Variants in AFF1 observed in about 807,000 individuals in gnomAD.
AFF1 encodes the protein AF4/FMR2 family member 1.
AFF1 carries 48 observed loss-of-function variants against 121.7 expected under a neutral mutation model. That is an observed-to-expected ratio of 0.39 (90% CI 0.31 to 0.50). The LOEUF (loss-of-function observed/expected upper bound fraction) is 0.50. Among genes scored for constraint, AFF1 ranks in the 20% least tolerant of loss-of-function variants. The pLI is 0.76. For synonymous variants in AFF1, 613 were observed against 563.0 expected, an observed-to-expected ratio of 1.09 and a Z score of -1.26; for missense variants, 1,523 against 1,511.7, an observed-to-expected ratio of 1.01 and a Z score of -0.12.
chr4:87,073,066 TAAA>T (rs539470714), intron 4 of AFF1, among the ~76,000 whole-genome samples: 2 of 137,912 alleles, frequency 1.5e-5, no homozygotes, highest in Non-Finnish European at 1.6e-5. Flanking sequence ...TAGTAAGCCT[TAAA>T]AAAAAAAAAA....
intron 2 of AFF1, among the ~76,000 whole-genome samples, chr4:86,994,578 T>C (rs1724969551): frequency 6.6e-6 from 1 of 152,188 alleles, no homozygotes; most frequent in Non-Finnish European, 1.5e-5. Flanking sequence ...TTTGGCTGCA[T>C]TGGTTTTGGC....
chr4:87,017,591 G>A (rs168161), intron 2 of AFF1, among the ~76,000 whole-genome samples: 142,836 of 152,354 alleles, frequency 0.94, 67,286 homozygotes, highest in Non-Finnish European at 0.98. Flanking sequence ...TATTTGTTAA[G>A]TAGAAATCCT....
chr4:87,022,543 GAT>G (rs1156817444), intron 2 of AFF1, among the ~76,000 whole-genome samples: 2,223 of 80,058 alleles, frequency 0.028, 51 homozygotes, highest in East Asian at 0.11. Context: ...CGTGCTTACA[GAT>G]ATATATATAT....
intron 2 of AFF1, chr4:87,007,103 G>T: frequency 2.4e-6 from 3 of 1,257,608 alleles, no homozygotes; most frequent in Non-Finnish European, 3.0e-6. Flanking sequence ...CAGAAACTGC[G>T]CCGGGGGCGC....
chr4:86,990,281 G>GA (rs1724598167), intron 2 of AFF1, among the ~76,000 whole-genome samples: 1 of 150,394 alleles, frequency 6.6e-6, no homozygotes, highest in African/African-American at 2.5e-5. Flanking sequence ...CCAGGAGTTG[G>GA]AGACCAGTCT....
chr4:87,065,209 G>T (rs1428348143), intron 4 of AFF1, among the ~76,000 whole-genome samples: 1 of 152,228 alleles, frequency 6.6e-6, no homozygotes, highest in Non-Finnish European at 1.5e-5. Flanking sequence ...TCATGCGGAA[G>T]GCAAGGAGGA....
At chr4:87,113,081 G>A (rs1726716244) in intron 11 of AFF1, among the ~76,000 whole-genome samples, 2 of 152,148 alleles carry the variant, frequency 1.3e-5, no homozygotes, top group South Asian at 2.1e-4. Flanking sequence ...TCTAACAGCC[G>A]AGCTGGAGAG....
At chr4:87,127,243 C>A in intron 15 of AFF1, 126 bp downstream of exon 15, 2 of 788,332 alleles carry the variant, frequency 2.5e-6, no homozygotes, top group South Asian at 3.2e-5. Context: ...TCACTGCAAC[C>A]TCCACCTCCC....
chr4:86,986,099 A>C (rs1281708313), intron 2 of AFF1, among the ~76,000 whole-genome samples: 1 of 143,086 alleles, frequency 7.0e-6, no homozygotes, highest in African/African-American at 2.6e-5. Flanking sequence ...TGGAGACCGA[A>C]TCTCACTCTG....
chr4:86,992,086 G>A (rs1341534852), intron 2 of AFF1, among the ~76,000 whole-genome samples: 1 of 152,120 alleles, frequency 6.6e-6, no homozygotes, highest in African/African-American at 2.4e-5. Context: ...CTTGTAAAAA[G>A]TCATAGGATT....
At chr4:86,967,972 C>T (rs1722651419) in intron 2 of AFF1, among the ~76,000 whole-genome samples, 1 of 152,146 alleles carries the variant, frequency 6.6e-6, no homozygotes, top group African/African-American at 2.4e-5. Context: ...GGAACTTGAA[C>T]TACGTAGCAA....
At chr4:86,987,420 T>C (rs1362913229) in intron 2 of AFF1, among the ~76,000 whole-genome samples, 1 of 152,134 alleles carries the variant, frequency 6.6e-6, no homozygotes, top group East Asian at 1.9e-4. Context: ...CTGAGCAGGA[T>C]CTGAACATAA....
Position 87,019,905 on chromosome 4 carries a change from A to G in AFF1, c.39-26261A>G, listed in dbSNP as rs181647041. ...GGGTCGGGGGGGGGCAGTCTTGGGG[A>G]CTGAGCCCTCAACCTGTGGGATCTG... On this transcript the variant is annotated intron_variant, in intron 2 of 20. Coordinates refer to ENST00000395146, the MANE Select transcript of AFF1 (RefSeq NM_001166693.3). Among the ~76,000 whole-genome samples, 1,256 of 143,724 alleles carry G rather than the reference A, an allele frequency of 8.7e-3. 24 individuals are homozygous for G. The highest frequency in any genetic ancestry group is 0.031 in the African/African-American group (1,206 of 38,674). The allele number at this position is 143,724 out of a possible 152,430, so 94.3% of individuals were successfully genotyped here. A position where few individuals can be genotyped will look rare whatever the true frequency, so the allele number is the denominator to read the frequency against.
chr4:86,970,867 A>G (rs1041597053), intron 2 of AFF1, among the ~76,000 whole-genome samples: 1 of 152,226 alleles, frequency 6.6e-6, no homozygotes, highest in Non-Finnish European at 1.5e-5. Context: ...TTTGTGGAAC[A>G]GCAAGGTAGC....
chr4:86,945,533 CTG>C (rs1237708252), intron 1 of AFF1, among the ~76,000 whole-genome samples: 1 of 120,262 alleles, frequency 8.3e-6, no homozygotes, highest in East Asian at 2.5e-4. Flanking sequence ...GACAGGGTCT[CTG>C]TTACCCAGGC....
chr4:87,085,290 A>G (rs1723606184), intron 5 of AFF1, among the ~76,000 whole-genome samples: 1 of 152,190 alleles, frequency 6.6e-6, no homozygotes, highest in Admixed American at 6.5e-5. Context: ...CAGGAAACCC[A>G]GAGCTTAATT....
intron 2 of AFF1, among the ~76,000 whole-genome samples, chr4:86,999,867 C>T (rs949990693): frequency 1.3e-5 from 2 of 152,066 alleles, no homozygotes; most frequent in Non-Finnish European, 2.9e-5. Flanking sequence ...GTAGCGTTTA[C>T]AGAGAAGAAA....
At chr4:87,100,850 A>T (rs1037635115) in intron 8 of AFF1, among the ~76,000 whole-genome samples, 1 of 152,224 alleles carries the variant, frequency 6.6e-6, no homozygotes, top group African/African-American at 2.4e-5. Context: ...CTACTGATTT[A>T]ACTTCAGATT....
chr4:87,064,808 G>A (rs762418963), intron 4 of AFF1, among the ~76,000 whole-genome samples: 1 of 150,958 alleles, frequency 6.6e-6, no homozygotes, highest in Non-Finnish European at 1.5e-5. Flanking sequence ...GGAAGCGGAG[G>A]TTGCAGTAAA....
Sources: allele counts gnomAD v4.1 joint callset (sites outside exome capture counted in the v4.1 genomes callset), GRCh38; gene constraint gnomAD v4.1.1; transcripts MANE v1.5; gene names NCBI Gene and HGNC (gene_info 2026-07-23, HGNC 2026-07-21).